Variants in C8orf34 observed in about 807,000 individuals in gnomAD.
The protein encoded by C8orf34 is uncharacterized protein C8orf34.
A neutral mutation model predicts 68.3 loss-of-function variants in C8orf34; 65 were observed. That is an observed-to-expected ratio of 0.95 (90% confidence interval 0.78 to 1.17). The LOEUF (loss-of-function observed/expected upper bound fraction) is 1.17, where lower values mean the gene tolerates loss of function less well. Among genes scored for constraint, C8orf34 ranks in the 50% most tolerant of loss-of-function variants. The pLI, the probability that C8orf34 is intolerant of heterozygous loss-of-function variation, is 0.00. For synonymous variants in C8orf34, 244 were observed against 241.2 expected (o/e 1.01, Z -0.11); for missense variants, 664 against 655.4 (o/e 1.01, Z -0.14).
chr8:68,619,798 A>T (rs1818335320), intron 7 of C8orf34, among the ~76,000 whole-genome samples: 2 of 152,196 alleles, frequency 1.3e-5, no homozygotes, highest in Admixed American at 6.5e-5. Context: ...TCATAGTCAC[A>T]ATTTAGCAAA....
chr8:68,636,245 C>T (rs1818837240), intron 7 of C8orf34, among the ~76,000 whole-genome samples: 1 of 151,946 alleles, frequency 6.6e-6, no homozygotes, highest in South Asian at 2.1e-4. Context: ...TGTTTTGAGG[C>T]AATGGCTGCA....
chr8:68,576,610 T>A (rs886346005), intron 7 of C8orf34, among the ~76,000 whole-genome samples: 5 of 151,958 alleles, frequency 3.3e-5, no homozygotes, highest in African/African-American at 1.2e-4. Flanking sequence ...TGGTGAAAAT[T>A]TACAGTTCTT....
chr8:68,423,591 A>G (rs1032140500), intron 1 of C8orf34, among the ~76,000 whole-genome samples: 5 of 152,102 alleles, frequency 3.3e-5, no homozygotes, highest in Admixed American at 3.3e-4. Context: ...CTGTCTTCTT[A>G]TGAGTCCTCC....
intron 7 of C8orf34, among the ~76,000 whole-genome samples, chr8:68,577,541 T>C (rs1217249028): frequency 6.6e-6 from 1 of 151,944 alleles, no homozygotes; most frequent in African/African-American, 2.4e-5. Flanking sequence ...ATATGCATTA[T>C]TAAAAAGAGA....
intron 3 of C8orf34, among the ~76,000 whole-genome samples, chr8:68,454,270 G>A (rs917055656): frequency 2.6e-5 from 4 of 151,942 alleles, no homozygotes; most frequent in African/African-American, 7.2e-5. Flanking sequence ...GCCAATGCTG[G>A]CCTCTTAGAA....
chr8:68,612,597 T>C (rs1008066359), intron 7 of C8orf34, among the ~76,000 whole-genome samples: 1 of 152,210 alleles, frequency 6.6e-6, no homozygotes, highest in Non-Finnish European at 1.5e-5. Flanking sequence ...CAGGACCTTT[T>C]ACATATTTAT....
At chr8:68,431,756 T>C (rs1810460896) in intron 1 of C8orf34, among the ~76,000 whole-genome samples, 1 of 152,212 alleles carries the variant, frequency 6.6e-6, no homozygotes, top group East Asian at 1.9e-4. Flanking sequence ...GTTCTGCTGG[T>C]TAGATTTATT....
chr8:68,744,931 G>C (rs949601424), intron 10 of C8orf34, among the ~76,000 whole-genome samples: 3 of 152,242 alleles, frequency 2.0e-5, no homozygotes, highest in African/African-American at 7.2e-5. Flanking sequence ...ACACATAATT[G>C]TCAGATTCAC....
intron 8 of C8orf34, among the ~76,000 whole-genome samples, chr8:68,704,884 A>G (rs1821120159): frequency 6.6e-6 from 1 of 152,186 alleles, no homozygotes; most frequent in Non-Finnish European, 1.5e-5. Context: ...TATTTAAAGC[A>G]TGAGAAAAAT....
intron 8 of C8orf34, among the ~76,000 whole-genome samples, chr8:68,697,318 G>A (rs1441596548): frequency 6.6e-6 from 1 of 152,006 alleles, no homozygotes; most frequent in African/African-American, 2.4e-5. Context: ...TGAATTATCA[G>A]AAGCAGTATC....
At chr8:68,520,722 C>T (rs1814717830) in intron 5 of C8orf34, among the ~76,000 whole-genome samples, 1 of 152,020 alleles carries the variant, frequency 6.6e-6, no homozygotes, top group Admixed American at 6.5e-5. Flanking sequence ...CTCGGCCTCC[C>T]AAAGTGCTGG....
intron 10 of C8orf34, among the ~76,000 whole-genome samples, chr8:68,722,182 C>T (rs1019007317): frequency 6.6e-6 from 1 of 151,966 alleles, no homozygotes; most frequent in Non-Finnish European, 1.5e-5. Context: ...CCCTTTTTAC[C>T]TTGCAGATAA....
intron 12 of C8orf34, among the ~76,000 whole-genome samples, chr8:68,794,874 G>A (rs897477999): frequency 5.3e-5 from 8 of 151,960 alleles, no homozygotes; most frequent in South Asian, 2.1e-4. Context: ...TCCTTTGTAC[G>A]TCATGTCAAT....
chr8:68,635,606 A>G (rs1818816342), intron 7 of C8orf34, among the ~76,000 whole-genome samples: 1 of 152,224 alleles, frequency 6.6e-6, no homozygotes, highest in South Asian at 2.1e-4. Flanking sequence ...AGGTATGGGA[A>G]ACTTAGATTT....
At chr8:68,801,428 C>T (rs929094229) in intron 12 of C8orf34, among the ~76,000 whole-genome samples, 2 of 152,114 alleles carry the variant, frequency 1.3e-5, no homozygotes, top group Admixed American at 1.3e-4. Flanking sequence ...GAATGTTCTC[C>T]AACCAATTTG....
intron 3 of C8orf34, among the ~76,000 whole-genome samples, chr8:68,459,495 T>A (rs1178271646): frequency 6.6e-6 from 1 of 152,096 alleles, no homozygotes; most frequent in African/African-American, 2.4e-5. Context: ...CCTCCCAAAG[T>A]GTTGGGATTA....
At chr8:68,702,525 G>A (rs1272640389) in intron 8 of C8orf34, among the ~76,000 whole-genome samples, 1 of 152,056 alleles carries the variant, frequency 6.6e-6, no homozygotes, top group Non-Finnish European at 1.5e-5. Context: ...CTACTCTTTA[G>A]TTAGATACTG....
At chr8:68,398,503 T>A (rs951634651) in intron 1 of C8orf34, among the ~76,000 whole-genome samples, 2 of 152,174 alleles carry the variant, frequency 1.3e-5, no homozygotes. Context: ...ATAAAGTATT[T>A]TTTTTGGTGT....
At chr8:68,732,690 T>C (rs1822011230) in intron 10 of C8orf34, among the ~76,000 whole-genome samples, 1 of 152,230 alleles carries the variant, frequency 6.6e-6, no homozygotes, top group Non-Finnish European at 1.5e-5. Flanking sequence ...ACCTAAAAGT[T>C]CTTCACATTT....
Sources: allele counts gnomAD v4.1 joint callset (sites outside exome capture counted in the v4.1 genomes callset), GRCh38; gene constraint gnomAD v4.1.1; transcripts MANE v1.5; gene names NCBI Gene and HGNC (gene_info 2026-07-23, HGNC 2026-07-21).